The following DAPK2 variants were observed in gnomAD, a reference collection of about 807,000 sequenced individuals.
DAPK2 encodes death associated protein kinase 2, also known as death-associated protein kinase 2.
In DAPK2, 35 loss-of-function variants were observed where a neutral mutation model predicts 44.1. That is an observed-to-expected ratio of 0.79 (90% CI 0.61 to 1.05). DAPK2 has a LOEUF of 1.05. Ranked by LOEUF, DAPK2 falls within the 50% of genes least tolerant of loss-of-function variation. DAPK2 has a pLI of 0.00. For synonymous variants in DAPK2, 174 were observed against 182.6 expected (o/e 0.95, Z 0.38); for missense variants, 453 against 483.2 (o/e 0.94, Z 0.59).
chr15:63,910,546 T>A (rs1221563102), intron 10 of DAPK2: 1 of 152,196 alleles, frequency 6.6e-6, no homozygotes, highest in African/African-American at 2.4e-5. Context: ...ATTTTGAAAC[T>A]TAATTTTCTT....
Position 63,971,499 on chromosome 15 carries a change from G to A in DAPK2, c.377C>T (p.Ala126Val), listed in dbSNP as rs866675633. 24 of 1,614,044 alleles carry A rather than the reference G, an allele frequency of 1.5e-5. No individual in the cohort carries two copies. In the Admixed American group the frequency reaches 2.7e-4, roughly 18 times the overall value. Residue 126 changes from alanine (A) to valine (V), a missense_variant, in exon 3 of 11, where the codon GCC (alanine) becomes GTC (valine). By Grantham distance (64) the Ala-to-Val change is moderately conservative. Coordinates refer to ENST00000261891, the Ensembl canonical transcript of DAPK2. ...CAGGATCTGCTTAATGAAGCTGGTG[G>A]CCTCCTCCTCACTCAGTGACTCCTT...
intron 2 of DAPK2, among the ~76,000 whole-genome samples, chr15:63,976,868 T>C (rs2078364216): frequency 1.3e-5 from 2 of 152,226 alleles, no homozygotes; most frequent in African/African-American, 4.8e-5. Flanking sequence ...GTTTAGTCAG[T>C]GTGGCAACTA....
intron 10 of DAPK2, among the ~76,000 whole-genome samples, chr15:63,910,088 TA>T (rs1311850285): frequency 6.6e-6 from 1 of 152,108 alleles, no homozygotes; most frequent in East Asian, 1.9e-4. Context: ...AGCCAAACAG[TA>T]AAAAAATAAG....
chr15:63,942,270 G>A (rs1240976081), intron 3 of DAPK2: 9 of 985,178 alleles, frequency 9.1e-6, no homozygotes, highest in Non-Finnish European at 1.1e-5. Context: ...CTCAGGGCAG[G>A]CCGGGCACAG....
At chr15:63,978,038 T>C in intron 2 of DAPK2, among the ~76,000 whole-genome samples, 1 of 152,352 alleles carries the variant, frequency 6.6e-6, no homozygotes, top group East Asian at 1.9e-4. Context: ...TCCCCAGCTA[T>C]ATTATTTTTG....
intron 7 of DAPK2, among the ~76,000 whole-genome samples, chr15:63,925,676 GCGCACACACACACA>G (rs1215782029): frequency 0.059 from 3,021 of 51,348 alleles, 103 homozygotes; most frequent in African/African-American, 0.17. Flanking sequence ...CTGACTTGTA[GCGCACACACACACA>G]CACACACACA....
chr15:63,946,862 C>A (rs1456322823), intron 3 of DAPK2, among the ~76,000 whole-genome samples: 1 of 152,166 alleles, frequency 6.6e-6, no homozygotes, highest in Non-Finnish European at 1.5e-5. Flanking sequence ...TCAAGCACAG[C>A]CCCAGATTAT....
chr15:64,036,638 G>A (rs1251380239), intron 1 of DAPK2, among the ~76,000 whole-genome samples: 1 of 151,904 alleles, frequency 6.6e-6, no homozygotes, highest in Admixed American at 6.6e-5. Context: ...AACATTACAT[G>A]TCTGAGCTTC....
intron 1 of DAPK2, among the ~76,000 whole-genome samples, chr15:63,986,739 G>C (rs953039695): frequency 5.0e-4 from 76 of 152,250 alleles, no homozygotes; most frequent in African/African-American, 1.7e-3. Flanking sequence ...ATATTGCCTG[G>C]GGAATTTTAA....
intron 1 of DAPK2, among the ~76,000 whole-genome samples, chr15:64,002,371 T>C (rs1296993709): frequency 1.3e-5 from 2 of 152,248 alleles, no homozygotes; most frequent in Admixed American, 6.5e-5. Context: ...AAACAATATA[T>C]GTCCTTCAAT....
intron 1 of DAPK2, among the ~76,000 whole-genome samples, chr15:64,028,463 G>A (rs970794809): frequency 6.6e-6 from 1 of 152,196 alleles, no homozygotes; most frequent in African/African-American, 2.4e-5. Context: ...ATAACCACAA[G>A]ATGCAACACA....
At chr15:63,941,156 C>A (rs1037636494) in intron 3 of DAPK2, among the ~76,000 whole-genome samples, 2 of 152,200 alleles carry the variant, frequency 1.3e-5, no homozygotes, top group African/African-American at 4.8e-5. Flanking sequence ...ATCTGCTCTG[C>A]CTGGAAAGCC....
In DAPK2 at chr15:63,908,243, A is replaced by G; in HGVS notation, c.*277T>C. 1 of 308,044 alleles carries G rather than the reference A, an allele frequency of 3.2e-6. No homozygotes were observed. The highest frequency in any genetic ancestry group is 5.5e-5 in the East Asian group (1 of 18,212). The allele number at this position is 308,044 out of a possible 1,614,324, so 19.1% of individuals were successfully genotyped here. A position where few individuals can be genotyped will look rare whatever the true frequency, so the allele number is the denominator to read the frequency against. ...CTTTATATTGTTTTCCTAAGTCCAC[A>G]CTCCCACCCCAGACTCTGAGGATGG... On this transcript the variant is annotated 3_prime_UTR_variant, in exon 11 of 11. Coordinates refer to ENST00000261891, the Ensembl canonical transcript of DAPK2. The surrounding 1 kb of genome is among the most constrained non-coding windows in gnomAD (Gnocchi z 5.7).
At chr15:63,994,204 G>A (rs1366342204) in intron 1 of DAPK2, among the ~76,000 whole-genome samples, 1 of 151,978 alleles carries the variant, frequency 6.6e-6, no homozygotes, top group Non-Finnish European at 1.5e-5. Flanking sequence ...ACTCTCACAG[G>A]GCCCACCTCA....
intron 1 of DAPK2, among the ~76,000 whole-genome samples, chr15:63,994,886 G>A (rs2140930768): frequency 6.6e-6 from 1 of 152,004 alleles, no homozygotes; most frequent in East Asian, 1.9e-4. Flanking sequence ...CACTGTGCCT[G>A]GCCTGTTTTT....
chr15:64,032,671 C>G (rs569119017), intron 1 of DAPK2, among the ~76,000 whole-genome samples: 1 of 152,280 alleles, frequency 6.6e-6, no homozygotes, highest in African/African-American at 2.4e-5. Context: ...ATAAAAATAG[C>G]CAGGCGTGGT....
intron 8 of DAPK2, among the ~76,000 whole-genome samples, chr15:63,915,078 T>C (rs1254403176): frequency 6.6e-6 from 1 of 152,248 alleles, no homozygotes; most frequent in African/African-American, 2.4e-5. Flanking sequence ...CCTCCCCTAA[T>C]GCTTTAAATC....
chr15:63,959,615 T>C (rs2077827749), intron 3 of DAPK2, among the ~76,000 whole-genome samples: 1 of 152,240 alleles, frequency 6.6e-6, no homozygotes, highest in African/African-American at 2.4e-5. Context: ...GAGATAATCA[T>C]GTGGTTTTCG....
At chr15:63,962,473 T>C (rs1168763755) in intron 3 of DAPK2, among the ~76,000 whole-genome samples, 1 of 152,236 alleles carries the variant, frequency 6.6e-6, no homozygotes, top group Non-Finnish European at 1.5e-5. Flanking sequence ...TCTCCCCATC[T>C]TTGTGGTTTT....
Sources: allele counts gnomAD v4.1 joint callset (sites outside exome capture counted in the v4.1 genomes callset), GRCh38; gene constraint gnomAD v4.1.1; non-coding constraint Gnocchi (gnomAD v3.1); transcripts MANE v1.5; gene names NCBI Gene and HGNC (gene_info 2026-07-23, HGNC 2026-07-21).